Variants in LMBR1 observed in about 807,000 individuals in gnomAD.
LMBR1 encodes limb region 1 protein homolog.
In LMBR1, 52 loss-of-function variants were observed where a neutral mutation model predicts 73.9. The ratio of observed to expected loss-of-function variants is 0.70; its 90% confidence interval spans 0.56 to 0.89. The LOEUF is 0.89. LMBR1 is among the 40% of genes least tolerant of loss of function. LMBR1 has a pLI of 0.00. For synonymous variants in LMBR1, 215 were observed against 209.4 expected, an observed-to-expected ratio of 1.03 and a Z score of -0.23; for missense variants, 539 against 579.8, an observed-to-expected ratio of 0.93 and a Z score of 0.72.
intron 1 of LMBR1, among the ~76,000 whole-genome samples, chr7:156,877,832 G>A (rs1280293703): frequency 6.7e-6 from 1 of 149,496 alleles, no homozygotes; most frequent in Non-Finnish European, 1.5e-5. Context: ...GCAGTGAGCA[G>A]AGATCGCGCC....
chr7:156,832,318 G>A (rs553767033), intron 3 of LMBR1, among the ~76,000 whole-genome samples: 3 of 152,072 alleles, frequency 2.0e-5, no homozygotes, highest in Admixed American at 1.3e-4. Flanking sequence ...CTTTATTGAG[G>A]TGAAATTCAC....
chr7:156,881,624 G>A (rs1348420460), intron 1 of LMBR1, among the ~76,000 whole-genome samples: 5 of 152,046 alleles, frequency 3.3e-5, no homozygotes, highest in Admixed American at 1.3e-4. Context: ...CCCACAGCAC[G>A]AAAGTAAAAA....
intron 9 of LMBR1, among the ~76,000 whole-genome samples, chr7:156,745,328 A>T (rs1026062846): frequency 7.2e-5 from 11 of 152,204 alleles, no homozygotes; most frequent in East Asian, 1.9e-4. Context: ...CTTGTTCTAG[A>T]TATCTATCTT....
At chr7:156,875,498 T>C (rs548408478) in intron 1 of LMBR1, among the ~76,000 whole-genome samples, 3 of 152,222 alleles carry the variant, frequency 2.0e-5, no homozygotes, top group South Asian at 2.1e-4. Flanking sequence ...AAAAAGATCA[T>C]CTCCTAGGCA....
chr7:156,750,588 C>G (rs996213406), intron 9 of LMBR1, among the ~76,000 whole-genome samples: 1 of 152,124 alleles, frequency 6.6e-6, no homozygotes, highest in South Asian at 2.1e-4. Flanking sequence ...TGATTCTGTC[C>G]GGTCTTGTCA....
At chr7:156,810,977 A>AT (rs1832992673) in intron 4 of LMBR1, among the ~76,000 whole-genome samples, 1 of 150,300 alleles carries the variant, frequency 6.7e-6, no homozygotes, top group African/African-American at 2.4e-5. Context: ...TGCCTGGCTA[A>AT]TTTTTGTATT....
At chr7:156,811,040 A>G (rs553616854) in intron 4 of LMBR1, among the ~76,000 whole-genome samples, 11 of 151,592 alleles carry the variant, frequency 7.3e-5, no homozygotes, top group African/African-American at 2.4e-4. Flanking sequence ...TGAACTCCCG[A>G]CCTCAGGTGA....
At chr7:156,872,304 G>C (rs1319717994) in intron 1 of LMBR1, 1 of 151,884 alleles carries the variant, frequency 6.6e-6, no homozygotes, top group Non-Finnish European at 1.5e-5. Flanking sequence ...TATCTAAAAA[G>C]GAAATTAGTA....
intron 1 of LMBR1, among the ~76,000 whole-genome samples, chr7:156,857,672 G>A (rs995189244): frequency 9.9e-5 from 15 of 152,144 alleles, no homozygotes; most frequent in African/African-American, 2.4e-4. Flanking sequence ...TCAAGCTCAC[G>A]TGAAAACACT....
intron 4 of LMBR1, among the ~76,000 whole-genome samples, chr7:156,796,740 A>T (rs919244295): frequency 2.0e-5 from 3 of 152,190 alleles, no homozygotes; most frequent in African/African-American, 7.2e-5. Context: ...TTCACTAAAA[A>T]TATGACGTGT....
intron 1 of LMBR1, among the ~76,000 whole-genome samples, chr7:156,882,891 C>T (rs1360906555): frequency 6.6e-6 from 1 of 151,936 alleles, no homozygotes; most frequent in African/African-American, 2.4e-5. Flanking sequence ...ATTAGCTGGA[C>T]GTGGTGGCAG....
chr7:156,768,955 T>C (rs971819653), intron 5 of LMBR1, among the ~76,000 whole-genome samples: 4 of 152,158 alleles, frequency 2.6e-5, no homozygotes, highest in Non-Finnish European at 5.9e-5. Flanking sequence ...AATGGCCTCC[T>C]GGAGTATTTG....
At chr7:156,831,245 C>T (rs1227934335) in intron 3 of LMBR1, among the ~76,000 whole-genome samples, 1 of 149,090 alleles carries the variant, frequency 6.7e-6, no homozygotes, top group South Asian at 2.1e-4. Context: ...ATTAATTTCA[C>T]CCCTAATTGT....
chr7:156,824,374 A>G (rs1266018230), intron 4 of LMBR1, among the ~76,000 whole-genome samples: 1 of 152,216 alleles, frequency 6.6e-6, no homozygotes. Flanking sequence ...AACAAGAGAC[A>G]GGAAATAAGA....
intron 2 of LMBR1, chr7:156,834,482 A>G (rs1216078520): frequency 1.9e-5 from 5 of 268,052 alleles, no homozygotes; most frequent in Non-Finnish European, 3.7e-5. Flanking sequence ...ACATGCCTGT[A>G]GTGCAGGATA....
At chr7:156,832,539 G>T (rs1397253630) in intron 3 of LMBR1, among the ~76,000 whole-genome samples, 1 of 152,150 alleles carries the variant, frequency 6.6e-6, no homozygotes, top group Non-Finnish European at 1.5e-5. Flanking sequence ...AGATGGAATT[G>T]CACACTATGT....
At position 156,851,588 on chromosome 7, in the gene LMBR1, G is replaced by C. The variant is rs566787352; in HGVS notation, c.67-14703C>G. Among the ~76,000 whole-genome samples, 3 of 152,146 alleles carry C rather than the reference G, an allele frequency of 2.0e-5. No homozygotes were observed. The East Asian group carries it at 5.8e-4, about 29-fold the overall frequency. On this transcript the variant is annotated intron_variant, in intron 1 of 16. Coordinates refer to ENST00000353442, the MANE Select transcript of LMBR1 (RefSeq NM_022458.4). ...GTTTCTTGAGGAGATGGTAAAGTTG[G>C]GGGGCTGGGGAGTGAGGAGAGAAGA...
At chr7:156,726,057 C>T (rs1433975694) in intron 12 of LMBR1, 1 of 402,518 alleles carries the variant, frequency 2.5e-6, no homozygotes, top group African/African-American at 2.1e-5. Flanking sequence ...AGAAAAATTA[C>T]TTATCTCAAA....
intron 9 of LMBR1, among the ~76,000 whole-genome samples, chr7:156,739,508 G>A (rs1818507256): frequency 6.6e-6 from 1 of 152,188 alleles, no homozygotes; most frequent in Non-Finnish European, 1.5e-5. Flanking sequence ...TGCCGTGCTG[G>A]CCTCAGGTCT....
Sources: allele counts gnomAD v4.1 joint callset (sites outside exome capture counted in the v4.1 genomes callset), GRCh38; gene constraint gnomAD v4.1.1; transcripts MANE v1.5; gene names NCBI Gene and HGNC (gene_info 2026-07-23, HGNC 2026-07-21).